GRID1: variants seen among roughly 807,000 people sequenced by gnomAD.
The protein encoded by GRID1 is glutamate receptor ionotropic, delta-1.
In GRID1, 28 loss-of-function variants were observed where a neutral mutation model predicts 98.0. That is an observed-to-expected ratio of 0.29 (90% CI 0.21 to 0.39). The LOEUF (loss-of-function observed/expected upper bound fraction) is 0.39. Ranked by LOEUF, GRID1 falls within the 10% of genes least tolerant of loss-of-function variation. GRID1 has a pLI of 1.00. For synonymous variants in GRID1, 553 were observed against 538.5 expected (o/e 1.03, Z -0.37); for missense variants, 1,111 against 1,340.5 (o/e 0.83, Z 2.67).
chr10:85,703,631 A>G (rs1252971390), intron 12 of GRID1, among the ~76,000 whole-genome samples: 1 of 152,082 alleles, frequency 6.6e-6, no homozygotes, highest in Non-Finnish European at 1.5e-5. Flanking sequence ...AGTTGCATGT[A>G]TTTTTAAGCC....
At chr10:86,326,455 T>C (rs1377719075) in intron 2 of GRID1, among the ~76,000 whole-genome samples, 1 of 152,226 alleles carries the variant, frequency 6.6e-6, no homozygotes, top group Non-Finnish European at 1.5e-5. Flanking sequence ...GTATGAAAGT[T>C]TGAAGAAGGG....
chr10:85,945,110 AC>A (rs1842039724), intron 4 of GRID1, among the ~76,000 whole-genome samples: 1 of 152,112 alleles, frequency 6.6e-6, no homozygotes, highest in Admixed American at 6.6e-5. Context: ...TATCAGCAAA[AC>A]CTTTGAAGCA....
At chr10:85,659,838 T>C (rs1294725940) in intron 12 of GRID1, among the ~76,000 whole-genome samples, 2 of 152,180 alleles carry the variant, frequency 1.3e-5, no homozygotes, top group Admixed American at 1.3e-4. Flanking sequence ...CCACCCTCTG[T>C]GATAAGCTAT....
At chr10:85,708,996 T>C (rs1485068348) in intron 12 of GRID1, 4 of 260,398 alleles carry the variant, frequency 1.5e-5, no homozygotes, top group Non-Finnish European at 3.2e-5. Context: ...GAGATTTGAA[T>C]AGAAAATTTC....
chr10:85,736,017 G>A (rs1841877731), intron 8 of GRID1, among the ~76,000 whole-genome samples: 5 of 141,202 alleles, frequency 3.5e-5, no homozygotes, highest in South Asian at 2.4e-4. Context: ...GAAGGAGGGA[G>A]GGAGGGAAGG....
chr10:86,126,165 C>T (rs912335675), intron 4 of GRID1, among the ~76,000 whole-genome samples: 6 of 152,292 alleles, frequency 3.9e-5, no homozygotes, highest in Middle Eastern at 3.4e-3. Context: ...AGGAAAGAAA[C>T]AGGAACTCGG....
intron 2 of GRID1, among the ~76,000 whole-genome samples, chr10:86,307,413 G>A (rs12257462): frequency 0.036 from 5,500 of 152,216 alleles, 237 homozygotes; most frequent in African/African-American, 0.11. Flanking sequence ...CCTAGAGAAC[G>A]TTATGCTTTG....
At chr10:85,845,305 T>C (rs981138119) in intron 8 of GRID1, among the ~76,000 whole-genome samples, 3 of 152,134 alleles carry the variant, frequency 2.0e-5, no homozygotes, top group African/African-American at 7.2e-5. Flanking sequence ...ATTTGAAATT[T>C]ACTACATATA....
chr10:86,263,076 C>G (rs1159007634), intron 2 of GRID1, among the ~76,000 whole-genome samples: 4 of 152,188 alleles, frequency 2.6e-5, no homozygotes, highest in African/African-American at 9.7e-5. Context: ...GCTCTGTTCG[C>G]GGGCCCGGGT....
intron 4 of GRID1, among the ~76,000 whole-genome samples, chr10:86,114,624 T>C (rs981006999): frequency 2.0e-5 from 3 of 152,118 alleles, no homozygotes; most frequent in Non-Finnish European, 4.4e-5. Context: ...ACCTGCCAGT[T>C]GGAAACATTC....
intron 4 of GRID1, among the ~76,000 whole-genome samples, chr10:85,932,861 G>A (rs529856040): frequency 4.9e-4 from 74 of 152,128 alleles, no homozygotes; most frequent in African/African-American, 1.7e-3. Context: ...AGGGAAAATC[G>A]GCAGCAAAAC....
chr10:86,338,157 T>A (rs1011637358), intron 2 of GRID1, among the ~76,000 whole-genome samples: 5 of 152,150 alleles, frequency 3.3e-5, no homozygotes, highest in African/African-American at 1.2e-4. Context: ...CTCCCATCCC[T>A]GGTAACACTC....
chr10:85,953,950 G>C (rs1842157135), intron 4 of GRID1, among the ~76,000 whole-genome samples: 1 of 151,986 alleles, frequency 6.6e-6, no homozygotes. Flanking sequence ...GCAGTTCTTT[G>C]GCTGTCTTAG....
At chr10:85,872,973 G>A (rs1431198558) in intron 5 of GRID1, among the ~76,000 whole-genome samples, 1 of 152,164 alleles carries the variant, frequency 6.6e-6, no homozygotes, top group Non-Finnish European at 1.5e-5. Context: ...CTTCCTTGGG[G>A]TCAATTAAAA....
At chr10:85,689,446 G>GAAAA (rs56015435) in intron 12 of GRID1, among the ~76,000 whole-genome samples, 5 of 146,730 alleles carry the variant, frequency 3.4e-5, no homozygotes, top group East Asian at 4.1e-4. Flanking sequence ...CAAAGAAATG[G>GAAAA]AAAAAAAAAA....
intron 12 of GRID1, among the ~76,000 whole-genome samples, chr10:85,704,226 C>T (rs891009283): frequency 1.5e-4 from 23 of 152,116 alleles, no homozygotes; most frequent in Non-Finnish European, 3.4e-4. Context: ...GGAAACCCAT[C>T]TCACGTGCAA....
intron 8 of GRID1, among the ~76,000 whole-genome samples, chr10:85,749,941 C>T (rs750023088): frequency 6.6e-6 from 1 of 152,042 alleles, no homozygotes; most frequent in Non-Finnish European, 1.5e-5. Flanking sequence ...TAAAATGATC[C>T]AACTTATTTT....
At chr10:86,082,053 T>TA (rs1843985390) in intron 4 of GRID1, among the ~76,000 whole-genome samples, 1 of 152,248 alleles carries the variant, frequency 6.6e-6, no homozygotes, top group Non-Finnish European at 1.5e-5. Flanking sequence ...TATACCACAT[T>TA]AATTCAAGAT....
chr10:86,251,384 T>A (rs1252946654), intron 2 of GRID1, among the ~76,000 whole-genome samples: 1 of 150,088 alleles, frequency 6.7e-6, no homozygotes, highest in Non-Finnish European at 1.5e-5. Flanking sequence ...AAATTGCATG[T>A]ATTTTTATAT....
Sources: gnomAD v4.1 joint callset for allele counts (sites outside exome capture counted in the v4.1 genomes callset) on GRCh38, gnomAD v4.1.1 for gene constraint, MANE v1.5 for transcripts, NCBI Gene and HGNC (gene_info 2026-07-23, HGNC 2026-07-21) for gene names.